The following SERPINI1 variants were observed in gnomAD, a reference collection of about 807,000 sequenced individuals.
SERPINI1 encodes serpin family I member 1.
In SERPINI1, 19 loss-of-function variants were observed where a neutral mutation model predicts 41.1. The observed-to-expected ratio is 0.46, with a 90% CI of 0.32 to 0.68. The LOEUF (loss-of-function observed/expected upper bound fraction) is 0.68. SERPINI1 is among the 30% of genes least tolerant of loss of function. The probability of loss-of-function intolerance (pLI) is 0.03; values close to 1 mark genes in which losing one functional copy is unlikely to be tolerated. For synonymous variants in SERPINI1, 138 were observed against 156.6 expected, an observed-to-expected ratio of 0.88 and a Z score of 0.89; for missense variants, 460 against 479.2, an observed-to-expected ratio of 0.96 and a Z score of 0.37.
At chr3:167,765,792 T>G (rs1277362321) in intron 1 of SERPINI1, among the ~76,000 whole-genome samples, 2 of 152,196 alleles carry the variant, frequency 1.3e-5, no homozygotes, top group Non-Finnish European at 2.9e-5. Flanking sequence ...GCTTTGCTGC[T>G]TAGAAATTTC....
At chr3:167,801,728 G>A (rs1330046957) in intron 5 of SERPINI1, among the ~76,000 whole-genome samples, 6 of 151,908 alleles carry the variant, frequency 3.9e-5, no homozygotes, top group South Asian at 2.1e-4. Context: ...GGGAGATAAC[G>A]ATTATTTATA....
intron 5 of SERPINI1, among the ~76,000 whole-genome samples, chr3:167,797,238 G>A (rs1727745985): frequency 6.6e-6 from 1 of 152,002 alleles, no homozygotes; most frequent in African/African-American, 2.4e-5. Context: ...ATAGATTCTG[G>A]ATATTAGACC....
chr3:167,793,076 T>C (rs976291593), intron 4 of SERPINI1, among the ~76,000 whole-genome samples: 4 of 152,276 alleles, frequency 2.6e-5, no homozygotes, highest in South Asian at 2.1e-4. Context: ...CAAAAACTCA[T>C]TGGGTTTAGG....
intron 5 of SERPINI1, among the ~76,000 whole-genome samples, chr3:167,799,566 G>C (rs190670121): frequency 1.3e-5 from 2 of 152,152 alleles, no homozygotes; most frequent in African/African-American, 2.4e-5. Context: ...CCAGTAATGG[G>C]ATTGCTGGGT....
At chr3:167,750,810 A>G (rs901230996) in intron 1 of SERPINI1, among the ~76,000 whole-genome samples, 1 of 152,150 alleles carries the variant, frequency 6.6e-6, no homozygotes, top group Non-Finnish European at 1.5e-5. Context: ...CAATATAATT[A>G]TGATCTCAGA....
intron 1 of SERPINI1, among the ~76,000 whole-genome samples, chr3:167,737,702 C>G (rs981514130): frequency 1.3e-5 from 2 of 152,056 alleles, no homozygotes; most frequent in Non-Finnish European, 2.9e-5. Context: ...ATTAAAAGAT[C>G]TGTTTGAAAG....
chr3:167,793,838 A>ATGTGTGTGTG (rs56401913), intron 4 of SERPINI1, among the ~76,000 whole-genome samples: 2,407 of 141,266 alleles, frequency 0.017, 79 homozygotes, highest in African/African-American at 0.058. Flanking sequence ...GGCCATATGT[A>ATGTGTGTGTG]TGTGTGTGTG....
intron 5 of SERPINI1, among the ~76,000 whole-genome samples, chr3:167,796,949 A>G (rs564115535): frequency 3.3e-5 from 5 of 152,118 alleles, no homozygotes; most frequent in Non-Finnish European, 7.4e-5. Context: ...GTCTTCCACA[A>G]TGGTTGAACT....
chr3:167,825,454 T>C lies in SERPINI1; in HGVS notation c.*131T>C. The C allele has an allele frequency of 1.5e-6, 1 of 670,250 alleles. No homozygotes were observed. 41.5% of individuals were successfully genotyped at this position (670,250 alleles called of 1,614,324 possible). On this transcript the variant is annotated 3_prime_UTR_variant, in exon 9 of 9. Coordinates refer to ENST00000446050, the MANE Select transcript of SERPINI1 (RefSeq NM_001122752.2). Reference sequence around the variant, plus strand: ...AAAATAGTTCCAGATAAAAACAATATATGTAAATTATAAGTAACTTGTCAA... The same window carrying C: ...AAAATAGTTCCAGATAAAAACAATACATGTAAATTATAAGTAACTTGTCAA...
rs368414653 is a variant in SERPINI1, at chr3:167,771,786, AAGAC to A, written c.-18-17322_-18-17319del. Reference sequence around the variant, plus strand: ...CTTAAGGAGTACCTTGCCAGCAAGTAAGACAGTTTAAAACTAGATGGACTGTGTG... The same window carrying A: ...CTTAAGGAGTACCTTGCCAGCAAGTAAGTTTAAAACTAGATGGACTGTGTG... On this transcript the variant is annotated intron_variant, in intron 1 of 8. Transcript: ENST00000446050. Among the ~76,000 whole-genome samples the A allele has an allele frequency of 1.2e-4, 18 of 152,352 alleles. No individual in the cohort carries two copies. The East Asian group carries it at 3.1e-3, about 26-fold the overall frequency.
Position 167,793,838 on chromosome 3 carries a change from ATGTG to A in SERPINI1, c.677-752_677-749del, listed in dbSNP as rs56401913. 7.3e-3 allele frequency among the ~76,000 whole-genome samples: 1,035 copies of A among 141,282 alleles called. 11 individuals are homozygous for A. Among genetic ancestry groups the A allele is most frequent in the African/African-American group, 0.018 (667 of 37,520 alleles). 92.7% of individuals were successfully genotyped at this position (141,282 alleles called of 152,430 possible). On this transcript the variant is annotated intron_variant, in intron 4 of 8. Coordinates refer to ENST00000446050, the MANE Select transcript of SERPINI1 (RefSeq NM_001122752.2). ...TATATAGTTCATTTTGGCCATATGT[ATGTG>A]TGTGTGTGTGTGTGTGTGTGTGTGT...
At chr3:167,745,413 G>T (rs1289820020) in intron 1 of SERPINI1, among the ~76,000 whole-genome samples, 1 of 151,778 alleles carries the variant, frequency 6.6e-6, no homozygotes, top group Admixed American at 6.6e-5. Context: ...TCCTCCACGG[G>T]GTAAGTACAT....
At chr3:167,799,824 G>C (rs975964324) in intron 5 of SERPINI1, among the ~76,000 whole-genome samples, 23 of 151,910 alleles carry the variant, frequency 1.5e-4, no homozygotes, top group Non-Finnish European at 3.2e-4. Flanking sequence ...TCATATGTTT[G>C]TTGGCCACAT....
chr3:167,754,811 G>T (rs1402850067), intron 1 of SERPINI1, among the ~76,000 whole-genome samples: 2 of 152,154 alleles, frequency 1.3e-5, no homozygotes, highest in African/African-American at 4.8e-5. Context: ...TTGCTGGTCT[G>T]CGTGTCCACC....
intron 1 of SERPINI1, among the ~76,000 whole-genome samples, chr3:167,752,777 C>A (rs1455999686): frequency 6.6e-6 from 1 of 152,046 alleles, no homozygotes; most frequent in East Asian, 1.9e-4. Context: ...TATTTCAGTT[C>A]TTTAATCACA....
At chr3:167,757,430 TAATG>T (rs1400818358) in intron 1 of SERPINI1, among the ~76,000 whole-genome samples, 1 of 152,178 alleles carries the variant, frequency 6.6e-6, no homozygotes, top group Non-Finnish European at 1.5e-5. Flanking sequence ...ATACAAATCA[TAATG>T]AACGTTAATG....
At chr3:167,743,249 G>T (rs944552977) in intron 1 of SERPINI1, among the ~76,000 whole-genome samples, 2 of 152,000 alleles carry the variant, frequency 1.3e-5, no homozygotes, top group Admixed American at 1.3e-4. Context: ...TATTACCCTA[G>T]AAAATGGTGT....
intron 1 of SERPINI1, among the ~76,000 whole-genome samples, chr3:167,737,434 T>C (rs990377042): frequency 1.3e-5 from 2 of 152,236 alleles, no homozygotes; most frequent in African/African-American, 4.8e-5. Flanking sequence ...CTGGAGAATC[T>C]ATTAATTCAC....
intron 1 of SERPINI1, among the ~76,000 whole-genome samples, chr3:167,757,950 A>G (rs137862268): frequency 0.011 from 1,670 of 152,240 alleles, 16 homozygotes; most frequent in Middle Eastern, 0.024. Context: ...ATGTTCCTAA[A>G]TGTTCTTCTT....
Sources: gnomAD v4.1 joint callset for allele counts (sites outside exome capture counted in the v4.1 genomes callset) on GRCh38, gnomAD v4.1.1 for gene constraint, MANE v1.5 for transcripts, NCBI Gene and HGNC (gene_info 2026-07-23, HGNC 2026-07-21) for gene names.